The following CTNNA3 variants were observed in gnomAD, a reference collection of about 807,000 sequenced individuals.
CTNNA3 encodes catenin alpha-3.
In CTNNA3, 76 loss-of-function variants were observed where a neutral mutation model predicts 95.7. The observed-to-expected ratio is 0.79, with a 90% confidence interval of 0.66 to 0.96. The LOEUF is 0.96. Ranked by LOEUF, CTNNA3 falls within the 40% of genes least tolerant of loss-of-function variation. The pLI is 0.00. For synonymous variants in CTNNA3, 431 were observed against 374.4 expected (o/e 1.15, Z -1.74); for missense variants, 1,191 against 1,089.8 (o/e 1.09, Z -1.31).
intron 17 of CTNNA3, among the ~76,000 whole-genome samples, chr10:65,940,047 G>T (rs1394196539): frequency 2.6e-5 from 4 of 152,092 alleles, no homozygotes; most frequent in Non-Finnish European, 4.4e-5. Flanking sequence ...GGAATTAGTT[G>T]AATATCCCAA....
At chr10:66,538,214 G>T (rs573681230) in intron 10 of CTNNA3, among the ~76,000 whole-genome samples, 2 of 152,020 alleles carry the variant, frequency 1.3e-5, no homozygotes, top group African/African-American at 4.8e-5. Context: ...TTTAATTGAT[G>T]TGCACAGGAG....
chr10:66,460,638 C>T (rs1011539865), intron 11 of CTNNA3, among the ~76,000 whole-genome samples: 1 of 152,064 alleles, frequency 6.6e-6, no homozygotes, highest in African/African-American at 2.4e-5. Context: ...TCCCATGCTG[C>T]AGCCCATAGA....
intron 7 of CTNNA3, among the ~76,000 whole-genome samples, chr10:66,858,794 T>A (rs1373010398): frequency 6.6e-6 from 1 of 151,916 alleles, no homozygotes; most frequent in Non-Finnish European, 1.5e-5. Context: ...TTTATTAGTA[T>A]AGCTAGTGGC....
intron 5 of CTNNA3, among the ~76,000 whole-genome samples, chr10:67,467,004 A>G (rs1207165327): frequency 6.6e-6 from 1 of 152,086 alleles, no homozygotes; most frequent in Non-Finnish European, 1.5e-5. Flanking sequence ...TGGGCACAGT[A>G]GCGCACATCT....
chr10:66,705,622 C>T (rs752582529), intron 9 of CTNNA3, among the ~76,000 whole-genome samples: 2 of 151,996 alleles, frequency 1.3e-5, no homozygotes, highest in Non-Finnish European at 2.9e-5. Flanking sequence ...GAGGTGTTGA[C>T]ATCTCTAAAT....
At chr10:65,955,849 C>CT (rs987466973) in intron 17 of CTNNA3, among the ~76,000 whole-genome samples, 3 of 152,014 alleles carry the variant, frequency 2.0e-5, no homozygotes, top group Non-Finnish European at 2.9e-5. Flanking sequence ...CTAAAATTCT[C>CT]TTTTTTTGTT....
chr10:66,775,814 T>C (rs186930215), intron 7 of CTNNA3, among the ~76,000 whole-genome samples: 2 of 152,198 alleles, frequency 1.3e-5, no homozygotes, highest in Non-Finnish European at 2.9e-5. Flanking sequence ...ATCTTCATTT[T>C]TAACAAGTCA....
chr10:66,196,874 G>A (rs1008325131), intron 13 of CTNNA3, among the ~76,000 whole-genome samples: 22 of 152,182 alleles, frequency 1.4e-4, no homozygotes, highest in African/African-American at 5.3e-4. Context: ...CCAGCAACCA[G>A]GATCCTCCAT....
At chr10:67,295,409 C>A (rs556580333) in intron 5 of CTNNA3, among the ~76,000 whole-genome samples, 8 of 152,170 alleles carry the variant, frequency 5.3e-5, no homozygotes, top group African/African-American at 1.9e-4. Context: ...AATACAGTCA[C>A]GGGCATGGTA....
At chr10:66,431,067 C>T (rs61867185) in intron 11 of CTNNA3, among the ~76,000 whole-genome samples, 14 of 151,546 alleles carry the variant, frequency 9.2e-5, no homozygotes, top group African/African-American at 2.4e-5. Flanking sequence ...AAAAAAAACC[C>T]ATCAAAAAGT....
chr10:67,518,401 C>T (rs1371897775), intron 5 of CTNNA3, among the ~76,000 whole-genome samples: 1 of 152,086 alleles, frequency 6.6e-6, no homozygotes, highest in African/African-American at 2.4e-5. Flanking sequence ...TTATATAAAC[C>T]TTGTGCACAG....
chr10:67,342,417 T>C (rs1348307341), intron 5 of CTNNA3, among the ~76,000 whole-genome samples: 3 of 152,152 alleles, frequency 2.0e-5, no homozygotes, highest in African/African-American at 7.2e-5. Flanking sequence ...GTTGTATCTT[T>C]AGCTGAGTGA....
At chr10:66,208,195 G>T (rs558620843) in intron 13 of CTNNA3, among the ~76,000 whole-genome samples, 1 of 152,088 alleles carries the variant, frequency 6.6e-6, no homozygotes, top group Non-Finnish European at 1.5e-5. Flanking sequence ...TGCGGGGTAA[G>T]AATTAAGTAG....
chr10:65,914,172 A>C lies in CTNNA3; in HGVS notation c.*6158T>G, dbSNP rs1001077737. The C allele has an allele frequency of 6.6e-6, 1 of 152,194 alleles. No homozygotes were observed. The highest frequency in any genetic ancestry group is 2.4e-5 in the African/African-American group (1 of 41,454). The allele number at this position is 152,194 out of a possible 1,614,324, so 9.4% of individuals were successfully genotyped here. A position where few individuals can be genotyped will look rare whatever the true frequency, so the allele number is the denominator to read the frequency against. On this transcript the variant is annotated 3_prime_UTR_variant, in exon 18 of 18. Transcript: ENST00000433211. The stretch of plus-strand genomic sequence containing the variant: ...CATGTTCTAAATTGAAGAAACATTT[A>C]GACATAATTGTTAGAAATCTGAGCC...
chr10:66,434,484 A>G (rs2093322547), intron 11 of CTNNA3, among the ~76,000 whole-genome samples: 1 of 152,114 alleles, frequency 6.6e-6, no homozygotes, highest in South Asian at 2.1e-4. Context: ...AGATTTTTGC[A>G]CATTGATTTT....
chr10:67,323,432 A>T (rs1841406802), intron 5 of CTNNA3, among the ~76,000 whole-genome samples: 1 of 152,098 alleles, frequency 6.6e-6, no homozygotes, highest in African/African-American at 2.4e-5. Context: ...ATCTTAGCAT[A>T]TGGCTAGCCA....
At chr10:66,302,555 G>C (rs538042807) in intron 12 of CTNNA3, among the ~76,000 whole-genome samples, 1 of 152,196 alleles carries the variant, frequency 6.6e-6, no homozygotes, top group Non-Finnish European at 1.5e-5. Flanking sequence ...TGATATTCTG[G>C]AACAGAAAAC....
chr10:66,231,870 C>G (rs2089607085), intron 13 of CTNNA3, among the ~76,000 whole-genome samples: 1 of 152,140 alleles, frequency 6.6e-6, no homozygotes, highest in Non-Finnish European at 1.5e-5. Flanking sequence ...CCCATTCTCT[C>G]TCTACTCCTC....
chr10:67,529,160 TA>T (rs1464536274), intron 4 of CTNNA3, among the ~76,000 whole-genome samples: 4 of 152,002 alleles, frequency 2.6e-5, no homozygotes, highest in Non-Finnish European at 5.9e-5. Context: ...CTTGTCAAAA[TA>T]GGGGGATATA....
Sources: allele counts gnomAD v4.1 joint callset (sites outside exome capture counted in the v4.1 genomes callset), GRCh38; gene constraint gnomAD v4.1.1; transcripts MANE v1.5; gene names NCBI Gene and HGNC (gene_info 2026-07-23, HGNC 2026-07-21).